BNC2: variants seen among roughly 807,000 people sequenced by gnomAD.
The protein encoded by BNC2 is zinc finger protein basonuclin-2.
Under a neutral mutation model 76.3 loss-of-function variants are expected in BNC2, and 20 were observed. The observed-to-expected ratio is 0.26, with a 90% CI of 0.18 to 0.38. The LOEUF (loss-of-function observed/expected upper bound fraction) is 0.38. Ranked by LOEUF, BNC2 falls within the 10% of genes least tolerant of loss-of-function variation. The pLI is 1.00. For missense variants in BNC2, 1,382 were observed against 1,399.8 expected, an observed-to-expected ratio of 0.99 and a Z score of 0.20; for synonymous variants, 582 against 514.8, an observed-to-expected ratio of 1.13 and a Z score of -1.77.
intron 3 of BNC2, among the ~76,000 whole-genome samples, chr9:16,720,769 T>C (rs1824132861): frequency 6.6e-6 from 1 of 152,218 alleles, no homozygotes; most frequent in South Asian, 2.1e-4. Flanking sequence ...AATGTGTTGT[T>C]TTTCCACAAG....
At chr9:16,561,265 C>G (rs1819005790) in intron 4 of BNC2, among the ~76,000 whole-genome samples, 1 of 151,848 alleles carries the variant, frequency 6.6e-6, no homozygotes, top group Admixed American at 6.6e-5. Context: ...AACCCACAGC[C>G]TTTGAAAATT....
rs1221908740 is a variant in BNC2 at position 16,435,976 on chromosome 9, C to A, written c.2218G>T (p.Gly740Trp). Residue 740 changes from glycine to tryptophan, a missense_variant, in exon 6 of 7, where the codon GGG becomes TGG. This residue lies in a region of BNC2 where 798 missense variants were observed against 775.5 expected (regional missense o/e 1.03). Transcript: ENST00000380672. ...EPKLGEESME[G>W]DEHIHSEVSE... ...ACTTCGCTGTGAATGTGCTCATCCC[C>A]TTCCATGGATTCCTCGCCCAGTTTG... 3.1e-6 allele frequency: 5 copies of A among 1,614,060 alleles called. No homozygotes were observed. Among genetic ancestry groups the A allele is most frequent in the Non-Finnish European group, 4.2e-6 (5 of 1,180,048 alleles).
intron 3 of BNC2, among the ~76,000 whole-genome samples, chr9:16,680,789 G>C (rs1174743000): frequency 6.6e-6 from 1 of 151,404 alleles, no homozygotes; most frequent in East Asian, 1.9e-4. Flanking sequence ...AGGCTTCTGT[G>C]CATGTTAGTG....
At chr9:16,589,051 G>C (rs1819849148) in intron 3 of BNC2, among the ~76,000 whole-genome samples, 2 of 152,256 alleles carry the variant, frequency 1.3e-5, no homozygotes, top group Non-Finnish European at 2.9e-5. Context: ...ATCATAATGA[G>C]AGGGGAAAAA....
chr9:16,834,470 A>G (rs1378237492), intron 1 of BNC2, among the ~76,000 whole-genome samples: 5 of 152,208 alleles, frequency 3.3e-5, no homozygotes, highest in South Asian at 4.1e-4. Context: ...GAGTCAGACT[A>G]TAAGTCAGAC....
intron 5 of BNC2, among the ~76,000 whole-genome samples, chr9:16,489,191 TGTCA>T (rs1822223654): frequency 6.6e-6 from 1 of 152,228 alleles, no homozygotes; most frequent in African/African-American, 2.4e-5. Context: ...TACAAAAATT[TGTCA>T]GTATTTTAAA....
chr9:16,801,635 T>C (rs1173449563), intron 1 of BNC2, among the ~76,000 whole-genome samples: 1 of 151,230 alleles, frequency 6.6e-6, no homozygotes, highest in Non-Finnish European at 1.5e-5. Flanking sequence ...TAAAAAGCAA[T>C]ACAGCTATAA....
intron 4 of BNC2, among the ~76,000 whole-genome samples, chr9:16,574,949 T>C (rs1204793476): frequency 6.6e-6 from 1 of 152,232 alleles, no homozygotes; most frequent in Non-Finnish European, 1.5e-5. Flanking sequence ...ACCCAACTTT[T>C]AATCACTCTA....
chr9:16,616,091 T>C (rs756611371), intron 3 of BNC2, among the ~76,000 whole-genome samples: 11 of 152,170 alleles, frequency 7.2e-5, no homozygotes, highest in East Asian at 1.9e-4. Flanking sequence ...CATAACCATA[T>C]TGAAAATGTT....
intron 1 of BNC2, among the ~76,000 whole-genome samples, chr9:16,765,881 G>A (rs1825677553): frequency 6.6e-6 from 1 of 151,834 alleles, no homozygotes; most frequent in Admixed American, 6.6e-5. Flanking sequence ...CTGCCTCCCG[G>A]GTTCACGCCA....
chr9:16,754,161 T>A (rs1439161589), intron 1 of BNC2, among the ~76,000 whole-genome samples: 1 of 152,228 alleles, frequency 6.6e-6, no homozygotes, highest in African/African-American at 2.4e-5. Flanking sequence ...TATTTCACAC[T>A]GCCAGTTGGT....
intron 3 of BNC2, among the ~76,000 whole-genome samples, chr9:16,659,812 C>A (rs960227445): frequency 2.6e-5 from 4 of 152,102 alleles, no homozygotes; most frequent in Non-Finnish European, 5.9e-5. Flanking sequence ...AGCCTCACTT[C>A]CCATCCCCTT....
chr9:16,425,468 A>C (rs1341036031), intron 6 of BNC2, among the ~76,000 whole-genome samples: 1 of 152,218 alleles, frequency 6.6e-6, no homozygotes, highest in South Asian at 2.1e-4. Flanking sequence ...CATCTTGTCA[A>C]CAAGGGGCGA....
intron 4 of BNC2, chr9:16,575,348 G>C: frequency 3.0e-6 from 3 of 985,252 alleles, no homozygotes; most frequent in Non-Finnish European, 3.6e-6. Flanking sequence ...GACCAGCAGT[G>C]ACTACACTGG....
At chr9:16,659,147 C>T (rs966593653) in intron 3 of BNC2, among the ~76,000 whole-genome samples, 10 of 150,246 alleles carry the variant, frequency 6.7e-5, no homozygotes, top group South Asian at 4.2e-4. Context: ...AGATGGATGG[C>T]GGGGGGGGGC....
At chr9:16,714,306 G>A (rs911593358) in intron 3 of BNC2, among the ~76,000 whole-genome samples, 2 of 152,064 alleles carry the variant, frequency 1.3e-5, no homozygotes, top group African/African-American at 4.8e-5. Context: ...GCATCTAAAG[G>A]GGTATATTCT....
intron 5 of BNC2, among the ~76,000 whole-genome samples, chr9:16,506,508 CTCCTCTTTTTTTTTTTTTTT>C (rs1822628068): frequency 7.9e-6 from 1 of 127,170 alleles, no homozygotes; most frequent in Non-Finnish European, 1.6e-5. Context: ...CTCTCTCTCT[CTCCTCTTTTTTTTTTTTTTT>C]TTTTTTTTTT....
chr9:16,843,081 T>C (rs541216983), intron 1 of BNC2, among the ~76,000 whole-genome samples: 1 of 152,292 alleles, frequency 6.6e-6, no homozygotes, highest in African/African-American at 2.4e-5. Flanking sequence ...CTTTAAAAAG[T>C]TGAGGGTAAA....
At chr9:16,606,997 G>A (rs1185452170) in intron 3 of BNC2, among the ~76,000 whole-genome samples, 1 of 152,192 alleles carries the variant, frequency 6.6e-6, no homozygotes, top group Non-Finnish European at 1.5e-5. Flanking sequence ...ACCCAGGCTG[G>A]AGTGCAGTGG....
Sources: gnomAD v4.1 joint callset for allele counts (sites outside exome capture counted in the v4.1 genomes callset) on GRCh38, gnomAD v4.1.1 for gene constraint, gnomAD v4.1.1 regional missense constraint, MANE v1.5 for transcripts, NCBI Gene and HGNC (gene_info 2026-07-23, HGNC 2026-07-21) for gene names.